The following FGF17 variants were observed in gnomAD, a reference collection of about 807,000 sequenced individuals.
The protein encoded by FGF17 is fibroblast growth factor 17.
A neutral mutation model predicts 23.5 loss-of-function variants in FGF17; 5 were observed. The observed-to-expected ratio is 0.21, with a 90% CI of 0.11 to 0.45. The LOEUF is 0.45. Among genes scored for constraint, FGF17 ranks in the 20% least tolerant of loss-of-function variants. The pLI is 0.99. For missense variants in FGF17, 221 were observed against 306.9 expected (o/e 0.72, Z 2.09); for synonymous variants, 136 against 123.0 (o/e 1.11, Z -0.70).
intron 4 of FGF17, 88 bp from the exon 5 acceptor site, chr8:22,047,868 C>A: frequency 7.4e-7 from 1 of 1,353,548 alleles, no homozygotes; most frequent in East Asian, 2.4e-5. Flanking sequence ...CGTTGTCCCT[C>A]CTCAGTCGTC....
In FGF17 at chr8:22,046,236, C is replaced by G; in HGVS notation, c.195C>G (p.His65Gln). The G allele has an allele frequency of 6.2e-7, 1 of 1,614,018 alleles. No individual in the cohort carries two copies. The highest frequency in any genetic ancestry group is 8.5e-7 in the Non-Finnish European group (1 of 1,180,052). ...TCTACAGCAGGACCAGTGGCAAGCA[C>G]GTGCAGGTCACCGGGCGTCGCATCT... ...YQLYSRTSGK[H>Q]VQVTGRRISA... The change falls in exon 3 of 5, where the codon CAC (histidine) becomes CAG (glutamine). Residue 65 changes from histidine to glutamine, a missense_variant. His to Gln is a conservative substitution (Grantham distance 24). Around this residue, in one of 3 missense-constraint regions of FGF17, gnomAD observed 58 missense variants for 121.0 expected, o/e 0.48. Transcript: ENST00000359441.
chr8:22,044,697 T>G (rs1018840297), intron 2 of FGF17: 2 of 985,614 alleles, frequency 2.0e-6, no homozygotes, highest in Non-Finnish European at 2.4e-6. Context: ...GGGCAGGTCT[T>G]GCAGAGGCTA....
chr8:22,043,846 A>G (rs1431885119), intron 2 of FGF17, among the ~76,000 whole-genome samples: 1 of 150,810 alleles, frequency 6.6e-6, no homozygotes, highest in Non-Finnish European at 1.5e-5. Flanking sequence ...ATAAAAGTGC[A>G]GCTATTAAAA....
chr8:22,043,239 G>C, intron 2 of FGF17, 58 bp downstream of exon 2: 1 of 1,559,470 alleles, frequency 6.4e-7, no homozygotes, highest in Non-Finnish European at 8.8e-7. Flanking sequence ...TGACCAGGGC[G>C]GGTGCAAGGG....
chr8:22,043,056 G>A (rs1024046446), intron 1 of FGF17, 89 bp from the exon 2 acceptor site: 43 of 1,600,482 alleles, frequency 2.7e-5, no homozygotes, highest in Non-Finnish European at 3.3e-5. Context: ...GTGCGTGCAC[G>A]GGGCTGGCAG....
Position 22,043,708 on chromosome 8 carries a change from G to A in FGF17, c.72+527G>A, listed in dbSNP as rs3176277. 7.1e-3 allele frequency among the ~76,000 whole-genome samples: 1,084 copies of A among 151,994 alleles called. 11 individuals carry two copies. Among genetic ancestry groups the A allele is most frequent in the African/African-American group, 0.025 (1,034 of 41,412 alleles). ...AAGCCCAAAGAGGTTTGTTTGGGAC[G>A]GGATGCAGGGTTCGCTTCTCCACAC... On this transcript the variant is annotated intron_variant, in intron 2 of 4. Coordinates refer to ENST00000359441, the MANE Select transcript of FGF17 (RefSeq NM_003867.4).
chr8:22,044,510 T>G, intron 2 of FGF17: 1 of 183,488 alleles, frequency 5.4e-6, no homozygotes, highest in East Asian at 1.9e-4. Context: ...GGGGGCGCTT[T>G]CTGCTCCTGA....
chr8:22,046,263 C>A lies in FGF17; in HGVS notation c.222C>A (p.Ser74=), dbSNP rs138825222. Residue 74 remains serine, a synonymous_variant, in exon 3 of 5, where the codon TCC becomes TCA. Coordinates refer to ENST00000359441, the MANE Select transcript of FGF17 (RefSeq NM_003867.4). ...TGCAGGTCACCGGGCGTCGCATCTC[C>A]GCCACCGCCGAGGACGGCAACAAGT... The part of the protein sequence containing the change: ...KHVQVTGRRI[S]ATAEDGNKFA... 1.2e-6 allele frequency: 2 copies of A among 1,613,572 alleles called. No individual in the cohort carries two copies. Among genetic ancestry groups the A allele is most frequent in the Non-Finnish European group, 1.7e-6 (2 of 1,179,936 alleles).
rs2960137 is a variant in FGF17, at chr8:22,046,307, C to T, written c.250+16C>T. The T allele has an allele frequency of 6.2e-7, 1 of 1,607,926 alleles. No individual in the cohort carries two copies. Among genetic ancestry groups the T allele is most frequent in the Non-Finnish European group, 8.5e-7 (1 of 1,176,162 alleles). On this transcript the variant is annotated intron_variant, in intron 3 of 4. Transcript: ENST00000359441. Reference sequence around the variant, plus strand: ...AACAAGTTTGGTGAGAGTTGGCCCTCCCCCCAGGGCACCCACACCTCCACT... The same window carrying T: ...AACAAGTTTGGTGAGAGTTGGCCCTTCCCCCAGGGCACCCACACCTCCACT...
chr8:22,045,188 G>C (rs1046452995), intron 2 of FGF17: 9 of 985,412 alleles, frequency 9.1e-6, no homozygotes, highest in Non-Finnish European at 1.1e-5. Context: ...TTTGCACAGT[G>C]CGTGGGGGGA....
In FGF17 at chr8:22,048,168, G is replaced by A. The variant is rs747037629; in HGVS notation, c.570G>A (p.Glu190=). Reference sequence around the variant, plus strand: ...AGCTGCCCTTCCCCAACCACGCCGAGAAGCAGAAGCAGTTCGAGTTTGTGG... The same window carrying A: ...AGCTGCCCTTCCCCAACCACGCCGAAAAGCAGAAGCAGTTCGAGTTTGTGG... ...QGQLPFPNHA[E]KQKQFEFVGS... The change falls in exon 5 of 5, where the codon GAG becomes GAA. Residue 190 remains glutamate (E), a synonymous_variant. Transcript: ENST00000359441. This position sits in a 1 kb window ranked among gnomAD's most constrained non-coding sequence, Gnocchi z 6.9. 2 of 1,613,168 alleles carry A rather than the reference G, an allele frequency of 1.2e-6. No homozygotes were observed. The highest frequency in any genetic ancestry group is 1.7e-5 in the Admixed American group (1 of 59,988).
rs3176282 is a variant in FGF17 at position 22,044,593 on chromosome 8, G to T, written c.72+1412G>T. The T allele has an allele frequency of 4.6e-3, 3,509 of 756,082 alleles. 16 individuals carry two copies. The highest frequency in any genetic ancestry group is 5.3e-3 in the Non-Finnish European group (3,289 of 620,204). 46.8% of individuals were successfully genotyped at this position (756,082 alleles called of 1,614,324 possible). A position where few individuals can be genotyped will look rare whatever the true frequency, so the allele number is the denominator to read the frequency against. On this transcript the variant is annotated intron_variant, in intron 2 of 4. Transcript: ENST00000359441. The stretch of plus-strand genomic sequence containing the variant: ...GCCTGAACCTGGGCCAGGAGGCGGG[G>T]CTGGGATAGGCAGGACCCCACCCCC...
At chr8:22,046,497 C>T (rs762983576) in intron 3 of FGF17, 30 bp from the exon 4 acceptor site, 28 of 1,561,198 alleles carry the variant, frequency 1.8e-5, no homozygotes, top group South Asian at 1.0e-4. Context: ...CCCCGATGGA[C>T]GGAGGTCTTT....
At chr8:22,042,768 C>T, upstream of FGF17, 1 of 659,754 alleles carries the variant, frequency 1.5e-6, no homozygotes, top group Non-Finnish European at 2.7e-6. Context: ...CCTCCTCCCT[C>T]TTTTCTCTCC....
At chr8:22,043,052 G>T in intron 1 of FGF17, 89 bp downstream of exon 1, 5 of 1,600,886 alleles carry the variant, frequency 3.1e-6, no homozygotes, top group Non-Finnish European at 4.3e-6. Context: ...ACGCGTGCGT[G>T]CACGGGGCTG....
chr8:22,043,758 C>A (rs1337908748), intron 2 of FGF17, among the ~76,000 whole-genome samples: 6 of 149,670 alleles, frequency 4.0e-5, no homozygotes, highest in Admixed American at 3.3e-4. Context: ...GTCGGCCCCC[C>A]ACCTCCCTCC....
At chr8:22,043,283 T>A in intron 2 of FGF17, 102 bp downstream of exon 2, 1 of 1,197,096 alleles carries the variant, frequency 8.4e-7, no homozygotes, top group Non-Finnish European at 1.2e-6. Context: ...AGGCAGAGTC[T>A]GGCCTCTCCC....
intron 1 of FGF17, 86 bp from the exon 2 acceptor site, chr8:22,043,059 G>C (rs528197563): frequency 6.2e-7 from 1 of 1,600,782 alleles, no homozygotes; most frequent in Non-Finnish European, 8.5e-7. Context: ...CGTGCACGGG[G>C]CTGGCAGGGC....
At chr8:22,043,710 G>A (rs1031166711) in intron 2 of FGF17, among the ~76,000 whole-genome samples, 1 of 151,944 alleles carries the variant, frequency 6.6e-6, no homozygotes, top group Non-Finnish European at 1.5e-5. Context: ...TTTGGGACGG[G>A]ATGCAGGGTT....
Sources: gnomAD v4.1 joint callset for allele counts (sites outside exome capture counted in the v4.1 genomes callset) on GRCh38, gnomAD v4.1.1 for gene constraint, gnomAD v4.1.1 regional missense constraint, Gnocchi (gnomAD v3.1) non-coding constraint, MANE v1.5 for transcripts, NCBI Gene and HGNC (gene_info 2026-07-23, HGNC 2026-07-21) for gene names.